ADAMTS12: variants seen among roughly 807,000 people sequenced by gnomAD.
The protein encoded by ADAMTS12 is ADAM metallopeptidase with thrombospondin type 1 motif 12, also known as A disintegrin and metalloproteinase with thrombospondin motifs 12.
In ADAMTS12, 118 loss-of-function variants were observed where a neutral mutation model predicts 167.8. That is an observed-to-expected ratio of 0.70 (90% CI 0.61 to 0.82). ADAMTS12 has a LOEUF of 0.82. Among genes scored for constraint, ADAMTS12 ranks in the 40% least tolerant of loss-of-function variants. ADAMTS12 has a pLI of 0.00. For missense variants in ADAMTS12, 1,916 were observed against 1,998.8 expected (o/e 0.96, Z 0.79); for synonymous variants, 704 against 716.9 (o/e 0.98, Z 0.29).
chr5:33,683,115 T>C lies in ADAMTS12; in HGVS notation c.832-14A>G, dbSNP rs762709260. 5 of 1,590,916 alleles carry C rather than the reference T, an allele frequency of 3.1e-6. No individual in the cohort carries two copies. Among genetic ancestry groups the C allele is most frequent in the Admixed American group, 1.7e-5 (1 of 59,214 alleles). Reference sequence around the variant, plus strand: ...CAACCCAGTGACCTAGGGTCAGAAATAGAAAACCATTAGCTCCACACGAAG... The same window carrying C: ...CAACCCAGTGACCTAGGGTCAGAAACAGAAAACCATTAGCTCCACACGAAG... On this transcript the variant is annotated splice_polypyrimidine_tract_variant and intron_variant, in intron 4 of 23. Transcript: ENST00000504830.
chr5:33,746,428 T>C (rs1744788954), intron 3 of ADAMTS12, among the ~76,000 whole-genome samples: 1 of 152,244 alleles, frequency 6.6e-6, no homozygotes, highest in South Asian at 2.1e-4. Flanking sequence ...TTATTTATAT[T>C]AGAGCATGTA....
chr5:33,655,294 C>T (rs1741012079), intron 7 of ADAMTS12, among the ~76,000 whole-genome samples: 1 of 152,092 alleles, frequency 6.6e-6, no homozygotes, highest in Non-Finnish European at 1.5e-5. Context: ...AATTAGACTG[C>T]TCTGCTGAAA....
intron 3 of ADAMTS12, among the ~76,000 whole-genome samples, chr5:33,690,310 C>G (rs1221680887): frequency 6.6e-6 from 1 of 152,150 alleles, no homozygotes; most frequent in Non-Finnish European, 1.5e-5. Flanking sequence ...AACAGACTAT[C>G]CATTTCTCAA....
At chr5:33,752,706 A>G (rs1288501189) in intron 2 of ADAMTS12, among the ~76,000 whole-genome samples, 1 of 152,204 alleles carries the variant, frequency 6.6e-6, no homozygotes, top group Non-Finnish European at 1.5e-5. Flanking sequence ...ACTTGGAAAC[A>G]TGGGGGGCTT....
intron 3 of ADAMTS12, among the ~76,000 whole-genome samples, chr5:33,736,587 C>A (rs1744383563): frequency 6.6e-6 from 1 of 152,148 alleles, no homozygotes; most frequent in Admixed American, 6.5e-5. Context: ...CAGAAAGTAA[C>A]CTCGACATTT....
At chr5:33,663,133 G>C (rs951447150) in intron 5 of ADAMTS12, among the ~76,000 whole-genome samples, 1 of 152,336 alleles carries the variant, frequency 6.6e-6, no homozygotes, top group South Asian at 2.1e-4. Context: ...TGAAAACACC[G>C]AAAGGTGGCT....
chr5:33,717,007 A>C (rs1041744160), intron 3 of ADAMTS12, among the ~76,000 whole-genome samples: 2 of 152,192 alleles, frequency 1.3e-5, no homozygotes, highest in African/African-American at 4.8e-5. Flanking sequence ...AAAAGGGAAA[A>C]ACTGGGAACA....
At chr5:33,856,410 A>G (rs895433495) in intron 2 of ADAMTS12, among the ~76,000 whole-genome samples, 3 of 152,148 alleles carry the variant, frequency 2.0e-5, no homozygotes, top group East Asian at 3.9e-4. Context: ...ATTTGTGCAA[A>G]TTGCAAGAAG....
intron 2 of ADAMTS12, among the ~76,000 whole-genome samples, chr5:33,759,572 A>T (rs771756512): frequency 3.0e-4 from 46 of 152,192 alleles, no homozygotes; most frequent in Non-Finnish European, 6.0e-4. Context: ...GTCTCTGTGG[A>T]TGTCATGTTG....
At chr5:33,739,567 G>A (rs1466577480) in intron 3 of ADAMTS12, among the ~76,000 whole-genome samples, 2 of 152,178 alleles carry the variant, frequency 1.3e-5, no homozygotes, top group African/African-American at 4.8e-5. Flanking sequence ...ACTCAAATCC[G>A]TCATACTCTC....
At chr5:33,655,923 C>T (rs1579805141) in intron 7 of ADAMTS12, among the ~76,000 whole-genome samples, 1 of 152,016 alleles carries the variant, frequency 6.6e-6, no homozygotes, top group African/African-American at 2.4e-5. Context: ...TTTTCTGTTC[C>T]TGTGTTAGTT....
intron 1 of ADAMTS12, among the ~76,000 whole-genome samples, chr5:33,881,840 C>T (rs1456895929): frequency 6.6e-6 from 1 of 151,010 alleles, no homozygotes; most frequent in Non-Finnish European, 1.5e-5. Context: ...TTCCAAAGTG[C>T]TAGAATTACA....
chr5:33,847,620 T>C (rs1748995628), intron 2 of ADAMTS12, among the ~76,000 whole-genome samples: 1 of 144,010 alleles, frequency 6.9e-6, no homozygotes, highest in African/African-American at 2.6e-5. Context: ...CAAAACTCCA[T>C]CTCAAAAAAA....
chr5:33,764,319 A>T (rs1050596616), intron 2 of ADAMTS12, among the ~76,000 whole-genome samples: 1 of 152,200 alleles, frequency 6.6e-6, no homozygotes, highest in South Asian at 2.1e-4. Flanking sequence ...CTATATCTGA[A>T]TATGTCTAAT....
At chr5:33,653,530 A>G (rs1579802546) in intron 7 of ADAMTS12, among the ~76,000 whole-genome samples, 1 of 152,198 alleles carries the variant, frequency 6.6e-6, no homozygotes, top group Non-Finnish European at 1.5e-5. Flanking sequence ...TAGCTGCATA[A>G]AATGAATTAG....
chr5:33,861,083 A>G (rs1208036684), intron 2 of ADAMTS12, among the ~76,000 whole-genome samples: 1 of 152,212 alleles, frequency 6.6e-6, no homozygotes, highest in Admixed American at 6.5e-5. Context: ...AAAACATACC[A>G]AATTGTAAAG....
At chr5:33,608,634 A>G (rs540988950) in intron 16 of ADAMTS12, among the ~76,000 whole-genome samples, 1 of 152,196 alleles carries the variant, frequency 6.6e-6, no homozygotes, top group Non-Finnish European at 1.5e-5. Flanking sequence ...CTGCAGGAAC[A>G]AGAGGAAAGA....
intron 2 of ADAMTS12, among the ~76,000 whole-genome samples, chr5:33,795,257 C>T (rs1032532720): frequency 5.9e-5 from 9 of 152,242 alleles, no homozygotes; most frequent in South Asian, 2.1e-4. Flanking sequence ...TGTAAAGAGA[C>T]GGGAATCATT....
intron 20 of ADAMTS12, among the ~76,000 whole-genome samples, chr5:33,553,879 A>T (rs191731353): frequency 6.6e-6 from 1 of 152,344 alleles, no homozygotes; most frequent in Admixed American, 6.5e-5. Context: ...AAAAAAATTT[A>T]TTCCAAAAAT....
Sources: gnomAD v4.1 joint callset for allele counts (sites outside exome capture counted in the v4.1 genomes callset) on GRCh38, gnomAD v4.1.1 for gene constraint, MANE v1.5 for transcripts, NCBI Gene and HGNC (gene_info 2026-07-23, HGNC 2026-07-21) for gene names.